Variants in DENND2B observed in about 807,000 individuals in gnomAD.
DENND2B encodes DENN domain-containing protein 2B.
A neutral mutation model predicts 116.0 loss-of-function variants in DENND2B; 32 were observed. The observed-to-expected ratio is 0.28, with a 90% CI of 0.21 to 0.37. The LOEUF is 0.37. DENND2B is among the 10% of genes least tolerant of loss of function. The probability of loss-of-function intolerance (pLI) is 1.00; values close to 1 mark genes in which losing one functional copy is unlikely to be tolerated. For synonymous variants in DENND2B, 588 were observed against 583.9 expected, an observed-to-expected ratio of 1.01 and a Z score of -0.10; for missense variants, 1,276 against 1,477.7, an observed-to-expected ratio of 0.86 and a Z score of 2.24.
At chr11:8,909,853 G>T (rs1036437585) in intron 1 of DENND2B, 1 of 152,132 alleles carries the variant, frequency 6.6e-6, no homozygotes, top group Non-Finnish European at 1.5e-5. Flanking sequence ...GGATTTATTT[G>T]TGTTCCTTAA....
chr11:8,694,204 GCCCTAA>G, intron 19 of DENND2B, 74 bp from the exon 20 acceptor site: 1 of 1,546,220 alleles, frequency 6.5e-7, no homozygotes, highest in South Asian at 1.1e-5. Context: ...CCTCCTTGTA[GCCCTAA>G]CCCTGTCAGT....
intron 2 of DENND2B, among the ~76,000 whole-genome samples, chr11:8,866,623 C>T (rs1005453773): frequency 6.6e-6 from 1 of 152,204 alleles, no homozygotes; most frequent in Non-Finnish European, 1.5e-5. Context: ...AACCAAGGTG[C>T]TAATCAGGGT....
chr11:8,897,762 G>T (rs12049908), intron 1 of DENND2B, among the ~76,000 whole-genome samples: 1 of 151,932 alleles, frequency 6.6e-6, no homozygotes, highest in African/African-American at 2.4e-5. Flanking sequence ...TAAAATTGGG[G>T]CAGACTTGAC....
chr11:8,786,190 T>C (rs953716379), intron 1 of DENND2B, among the ~76,000 whole-genome samples: 3 of 152,224 alleles, frequency 2.0e-5, no homozygotes, highest in African/African-American at 7.2e-5. Context: ...AGAGTGGTTT[T>C]CACTAAGTTG....
In DENND2B at chr11:8,707,335, G is replaced by T; in HGVS notation, c.2431-110C>A. 7.1e-7 allele frequency: 1 copy of T among 1,410,430 alleles called. No homozygotes were observed. The allele number at this position is 1,410,430 out of a possible 1,614,324, so 87.4% of individuals were successfully genotyped here. On this transcript the variant is annotated intron_variant, in intron 12 of 19. Transcript: ENST00000313726. The surrounding 1 kb of genome is among the most constrained non-coding windows in gnomAD (Gnocchi z 4.8). ...ATCTGACCAGGCTAGCCCAGAAGCT[G>T]GGAGACGGGAAGGTGGTCTTGCCAT...
At chr11:8,782,769 C>G (rs1486450640) in intron 1 of DENND2B, among the ~76,000 whole-genome samples, 7 of 151,572 alleles carry the variant, frequency 4.6e-5, no homozygotes, top group South Asian at 2.1e-4. Flanking sequence ...TGCCTGTAGT[C>G]CCAGCTACTC....
chr11:8,864,796 C>G (rs1233301978), intron 2 of DENND2B, among the ~76,000 whole-genome samples: 1 of 152,178 alleles, frequency 6.6e-6, no homozygotes, highest in East Asian at 1.9e-4. Flanking sequence ...TCTCAGGACA[C>G]TGACTCTGAT....
chr11:8,702,966 A>T lies in DENND2B; in HGVS notation c.2572-246T>A. 1 of 517,032 alleles carries T rather than the reference A, an allele frequency of 1.9e-6. No individual in the cohort carries two copies. The highest frequency in any genetic ancestry group is 3.4e-5 in the East Asian group (1 of 29,628). The allele number at this position is 517,032 out of a possible 1,614,324, so 32.0% of individuals were successfully genotyped here. A position where few individuals can be genotyped will look rare whatever the true frequency, so the allele number is the denominator to read the frequency against. ...TGAAAGCGGGGAAGGCTCCAGAAGGAAGGAGTTGAGGGGCCATCCATCGGG... is the reference window on the plus strand; with the variant it reads ...TGAAAGCGGGGAAGGCTCCAGAAGGTAGGAGTTGAGGGGCCATCCATCGGG... On this transcript the variant is annotated intron_variant, in intron 13 of 19. Coordinates refer to ENST00000313726, the MANE Select transcript of DENND2B (RefSeq NM_213618.2). This position sits in a 1 kb window ranked among gnomAD's most constrained non-coding sequence, Gnocchi z 4.6.
chr11:8,823,584 G>A (rs1467891965), intron 4 of DENND2B, among the ~76,000 whole-genome samples: 1 of 152,076 alleles, frequency 6.6e-6, no homozygotes, highest in African/African-American at 2.4e-5. Flanking sequence ...AGTGAGTGAG[G>A]CTCATGAGAT....
At chr11:8,742,465 T>C (rs1383890378) in intron 2 of DENND2B, among the ~76,000 whole-genome samples, 1 of 152,094 alleles carries the variant, frequency 6.6e-6, no homozygotes, top group Non-Finnish European at 1.5e-5. Context: ...AGTAAGGAAA[T>C]GCTATTAGAA....
At chr11:8,848,960 G>A (rs904020730) in intron 3 of DENND2B, among the ~76,000 whole-genome samples, 1 of 151,668 alleles carries the variant, frequency 6.6e-6, no homozygotes, top group South Asian at 2.1e-4. Flanking sequence ...GATTTCTATG[G>A]GTGGCTAAAT....
At chr11:8,813,376 A>G (rs2061460108), upstream of DENND2B, among the ~76,000 whole-genome samples, 1 of 152,262 alleles carries the variant, frequency 6.6e-6, no homozygotes, top group South Asian at 2.1e-4. Context: ...CAGCTGAAGA[A>G]TCCCAAGTCT....
chr11:8,798,937 C>A lies in DENND2B; in HGVS notation c.-26+11580G>T, dbSNP rs558410175. Among the ~76,000 whole-genome samples, 3 of 151,016 alleles carry A rather than the reference C, an allele frequency of 2.0e-5. No individual in the cohort carries two copies. The Admixed American group carries it at 2.0e-4, about 10-fold the overall frequency. ...CCGCCTCCCAGGTTCAAGTAATTCT[C>A]CTGTCTCAGCCTCCCAAGTAGCTGG... On this transcript the variant is annotated intron_variant, in intron 1 of 19. Transcript: ENST00000313726.
intron 1 of DENND2B, among the ~76,000 whole-genome samples, chr11:8,791,977 C>A (rs999551676): frequency 1.4e-5 from 1 of 72,134 alleles, no homozygotes; most frequent in Non-Finnish European, 3.3e-5. Context: ...GGCCAAGGCG[C>A]GTGGATCACC....
At chr11:8,887,591 T>C (rs1420507406) in intron 1 of DENND2B, among the ~76,000 whole-genome samples, 2 of 152,118 alleles carry the variant, frequency 1.3e-5, no homozygotes, top group Admixed American at 1.3e-4. Context: ...TTCCATACCT[T>C]TTCTCTCTCC....
chr11:8,752,145 G>T (rs987548610), intron 1 of DENND2B, among the ~76,000 whole-genome samples: 3 of 152,002 alleles, frequency 2.0e-5, no homozygotes, highest in Admixed American at 2.0e-4. Flanking sequence ...ATGGTAAGTG[G>T]AATAAAAAAA....
intron 8 of DENND2B, 73 bp downstream of exon 8, chr11:8,713,925 G>T: frequency 1.3e-6 from 2 of 1,514,596 alleles, no homozygotes; most frequent in Non-Finnish European, 9.2e-7. Context: ...AACCACACAT[G>T]CATCGGAAGG....
intron 1 of DENND2B, among the ~76,000 whole-genome samples, chr11:8,894,142 T>C (rs566469902): frequency 1.2e-3 from 182 of 152,210 alleles, no homozygotes; most frequent in Non-Finnish European, 1.9e-3. Context: ...AAACAAGAAA[T>C]GGGGAAAGGA....
chr11:8,818,519 T>C (rs1418554425), intron 4 of DENND2B, among the ~76,000 whole-genome samples: 1 of 152,076 alleles, frequency 6.6e-6, no homozygotes, highest in East Asian at 1.9e-4. Flanking sequence ...CTGTAGGAAG[T>C]GTGAGCCCAG....
Sources: allele counts gnomAD v4.1 joint callset (sites outside exome capture counted in the v4.1 genomes callset), GRCh38; gene constraint gnomAD v4.1.1; non-coding constraint Gnocchi (gnomAD v3.1); transcripts MANE v1.5; gene names NCBI Gene and HGNC (gene_info 2026-07-23, HGNC 2026-07-21).